XPO1: variants seen among roughly 807,000 people sequenced by gnomAD.
XPO1 encodes exportin-1.
A neutral mutation model predicts 133.3 loss-of-function variants in XPO1; 5 were observed. The ratio of observed to expected loss-of-function variants is 0.04; its 90% CI spans 0.02 to 0.08. The LOEUF is 0.08. Ranked by LOEUF, XPO1 falls within the 10% of genes least tolerant of loss-of-function variation. The pLI is 1.00. For missense variants in XPO1, 506 were observed against 1,267.5 expected (o/e 0.40, Z 9.12); for synonymous variants, 419 against 408.2 (o/e 1.03, Z -0.32).
chr2:61,499,920 C>T (rs754663331), intron 6 of XPO1, 26 bp from the exon 7 acceptor site: 8 of 1,591,158 alleles, frequency 5.0e-6, no homozygotes, highest in South Asian at 2.3e-5. Context: ...AAATGTTAAT[C>T]GCACTTCATT....
At chr2:61,505,757 C>T (rs1697776466) in intron 4 of XPO1, among the ~76,000 whole-genome samples, 2 of 152,146 alleles carry the variant, frequency 1.3e-5, no homozygotes, top group South Asian at 2.1e-4. Flanking sequence ...TGGGGTTTCA[C>T]CATTTTGGCC....
chr2:61,486,094 T>G, intron 19 of XPO1, 132 bp from the exon 20 acceptor site: 1 of 826,236 alleles, frequency 1.2e-6, no homozygotes, highest in South Asian at 2.3e-5. Flanking sequence ...GTGTTTGTAT[T>G]AGGGTTTCCT....
At chr2:61,489,241 C>G (rs1030881619) in intron 17 of XPO1, among the ~76,000 whole-genome samples, 4 of 152,070 alleles carry the variant, frequency 2.6e-5, no homozygotes. Context: ...TGGAGAAACC[C>G]TGTCTCTACT....
intron 23 of XPO1, among the ~76,000 whole-genome samples, chr2:61,482,130 A>G (rs946221849): frequency 1.3e-5 from 2 of 150,808 alleles, no homozygotes; most frequent in Non-Finnish European, 2.9e-5. Flanking sequence ...AGCTCACTGC[A>G]GTCTTAAACT....
intron 19 of XPO1, among the ~76,000 whole-genome samples, chr2:61,487,899 T>C (rs559863111): frequency 1.4e-4 from 21 of 152,190 alleles, no homozygotes; most frequent in Non-Finnish European, 2.8e-4. Flanking sequence ...CCTCCTAACC[T>C]ATCTATGGAA....
chr2:61,483,905 G>A (rs1221548727), intron 21 of XPO1, 32 bp downstream of exon 21: 5 of 1,602,432 alleles, frequency 3.1e-6, no homozygotes, highest in African/African-American at 2.7e-5. Flanking sequence ...TGGATTGGCA[G>A]GCAAATGAAT....
chr2:61,498,219 C>T (rs1010962349), intron 9 of XPO1, among the ~76,000 whole-genome samples: 7 of 152,168 alleles, frequency 4.6e-5, no homozygotes, highest in South Asian at 2.1e-4. Flanking sequence ...CACAGCCTCC[C>T]GAGTAGCTGG....
intron 6 of XPO1, 28 bp from the exon 7 acceptor site, chr2:61,499,922 C>T (rs1361015294): frequency 4.4e-6 from 7 of 1,588,708 alleles, no homozygotes; most frequent in East Asian, 4.5e-5. Context: ...ATGTTAATCG[C>T]ACTTCATTTC....
chr2:61,488,598 G>C lies in XPO1; in HGVS notation c.2196C>G (p.Ile732Met). ...ATCAGAATCACCTACCATTAGCTTG[G>C]ATAGCTGCAGAAATATTTTCACTGA... ...KCLSENISAA[I>M]QANGEMVTKQ... Residue 732 changes from isoleucine (I) to methionine (M), a missense_variant, in exon 18 of 25, where the codon ATC becomes ATG. Physicochemically the swap from Ile to Met is conservative, Grantham distance 10. Coordinates refer to ENST00000401558, the MANE Select transcript of XPO1 (RefSeq NM_003400.4). The C allele has an allele frequency of 1.9e-6, 3 of 1,613,480 alleles. No individual in the cohort carries two copies. The highest frequency in any genetic ancestry group is 2.5e-6 in the Non-Finnish European group (3 of 1,179,644).
At chr2:61,488,098 A>C in intron 19 of XPO1, 67 bp downstream of exon 19, 4 of 1,353,858 alleles carry the variant, frequency 3.0e-6, no homozygotes, top group Non-Finnish European at 4.2e-6. Context: ...CACATAATAG[A>C]GTATAGCATA....
intron 3 of XPO1, chr2:61,525,592 T>C: frequency 9.8e-7 from 1 of 1,017,902 alleles, no homozygotes; most frequent in South Asian, 4.6e-5. Flanking sequence ...ATTAGTAATG[T>C]CTGTCAGTAT....
intron 1 of XPO1, among the ~76,000 whole-genome samples, chr2:61,534,872 T>C (rs1273699585): frequency 1.1e-5 from 1 of 88,034 alleles, no homozygotes; most frequent in African/African-American, 6.0e-5. Context: ...CCTCAATGAA[T>C]TGGGGGATTG....
intron 5 of XPO1, 71 bp downstream of exon 5, chr2:61,502,178 T>C (rs1200129964): frequency 2.6e-6 from 4 of 1,560,426 alleles, no homozygotes; most frequent in Non-Finnish European, 3.5e-6. Context: ...CTTGACAGAA[T>C]TAGGTTGTAG....
chr2:61,526,755 T>G (rs1399749941), intron 2 of XPO1, among the ~76,000 whole-genome samples: 2 of 151,518 alleles, frequency 1.3e-5, no homozygotes, highest in Non-Finnish European at 2.9e-5. Flanking sequence ...TCACCCAGGC[T>G]GGACTGCAGT....
rs1696178587 is a variant in XPO1 at position 61,478,673 on chromosome 2, T to C, written c.*147A>G. Reference sequence around the variant, plus strand: ...CAATGGAAGGATATTTCACAGAAAATTTCTTATACAAAAAAACACATAAGA... The same window carrying C: ...CAATGGAAGGATATTTCACAGAAAACTTCTTATACAAAAAAACACATAAGA... On this transcript the variant is annotated 3_prime_UTR_variant, in exon 25 of 25. Transcript: ENST00000401558. 3 of 733,644 alleles carry C rather than the reference T, an allele frequency of 4.1e-6. No homozygotes were observed. The highest frequency in any genetic ancestry group is 6.1e-6 in the Non-Finnish European group (3 of 488,520). The allele number at this position is 733,644 out of a possible 1,614,324, so 45.4% of individuals were successfully genotyped here.
chr2:61,517,189 C>T (rs932232393), intron 4 of XPO1, among the ~76,000 whole-genome samples: 6 of 152,148 alleles, frequency 3.9e-5, no homozygotes, highest in Non-Finnish European at 7.3e-5. Context: ...GTGTAAGCCA[C>T]CACACCCAGC....
chr2:61,513,671 C>T (rs1182154973), intron 4 of XPO1, among the ~76,000 whole-genome samples: 1 of 151,852 alleles, frequency 6.6e-6, no homozygotes. Context: ...ACAAAGATTT[C>T]TTGAATACAA....
chr2:61,481,803 CT>C (rs1392543583), intron 23 of XPO1, among the ~76,000 whole-genome samples: 2 of 151,516 alleles, frequency 1.3e-5, no homozygotes, highest in Non-Finnish European at 2.9e-5. Flanking sequence ...GTGGCACAAT[CT>C]CGGCTCACTG....
At chr2:61,488,337 C>T in intron 18 of XPO1, 66 bp from the exon 19 acceptor site, 6 of 1,417,972 alleles carry the variant, frequency 4.2e-6, no homozygotes, top group Non-Finnish European at 5.9e-6. Context: ...CTCAGGTGTA[C>T]ATTAGATGCA....
Sources: allele counts gnomAD v4.1 joint callset (sites outside exome capture counted in the v4.1 genomes callset), GRCh38; gene constraint gnomAD v4.1.1; transcripts MANE v1.5; gene names NCBI Gene and HGNC (gene_info 2026-07-23, HGNC 2026-07-21).